Variants in MTSS2 observed in about 807,000 individuals in gnomAD.
MTSS2 encodes MTSS I-BAR domain containing 2.
A neutral mutation model predicts 67.1 loss-of-function variants in MTSS2; 27 were observed. The observed-to-expected ratio is 0.40, with a 90% confidence interval of 0.30 to 0.55. The LOEUF is 0.55. Among genes scored for constraint, MTSS2 ranks in the 20% least tolerant of loss-of-function variants. MTSS2 has a pLI of 0.43. For missense variants in MTSS2, 1,171 were observed against 1,067.8 expected (o/e 1.10, Z -1.35); for synonymous variants, 624 against 468.6 (o/e 1.33, Z -4.28).
At position 70,679,978 on chromosome 16, in the gene MTSS2, ACTGCCGCAGCTTGGTCTCGATG is replaced by A. The variant is rs1312565550; in HGVS notation, c.261_282del (p.Ile88SerfsTer50). The A allele has an allele frequency of 6.6e-7, 1 of 1,511,356 alleles. No homozygotes were observed. The highest frequency in any genetic ancestry group is 2.1e-5 in the Admixed American group (1 of 46,930). 93.6% of individuals were successfully genotyped at this position (1,511,356 alleles called of 1,614,324 possible). On this transcript the variant is annotated frameshift_variant, in exon 4 of 15. Coordinates refer to ENST00000338779, the MANE Select transcript of MTSS2 (RefSeq NM_138383.3). LOFTEE classifies it high-confidence loss of function. ...CCCGCAGCGCCCACTCACTTGGTGA[ACTGCCGCAGCTTGGTCTCGATG>A]CTGCGGTGGCGCATGCACATGCGTG...
intron 2 of MTSS2, 46 bp downstream of exon 2, chr16:70,680,918 G>GGGGGGGGGGGGGGGGGGGGGGGGCGCCC: frequency 9.1e-7 from 1 of 1,097,934 alleles, no homozygotes; most frequent in Non-Finnish European, 1.3e-6. Context: ...CGGGGGGGGG[G>GGGGGGGGGGGGGGGGGGGGGGGGCGCCC]CCTCTGCCTG....
At chr16:70,678,515 G>A in intron 7 of MTSS2, 106 bp from the exon 8 acceptor site, 1 of 1,376,824 alleles carries the variant, frequency 7.3e-7, no homozygotes, top group Non-Finnish European at 9.7e-7. Flanking sequence ...CGTTGGGCTG[G>A]GTGTTGCCCT....
Position 70,663,848 on chromosome 16 carries a change from G to A in MTSS2, c.2073C>T (p.Gly691=), listed in dbSNP as rs775594386. 2.4e-5 allele frequency: 37 copies of A among 1,541,248 alleles called. No individual in the cohort carries two copies. In the African/African-American group the frequency reaches 3.7e-4, roughly 15 times the overall value. Residue 691 remains glycine (G), a synonymous_variant, in exon 15 of 15, where the codon GGC becomes GGT. Transcript: ENST00000338779. The part of the protein sequence containing the change: ...LVAGAHALGE[G]QFPFPTALSA... ...ACAGAGCAGTGGGGAAGGGGAACTG[G>A]CCCTCACCCAGTGCGTGGGCACCCG...
intron 11 of MTSS2, chr16:70,665,811 A>G: frequency 3.0e-6 from 1 of 332,988 alleles, no homozygotes. Context: ...CTCACTGCTG[A>G]CGGCCTGGAT....
At chr16:70,669,300 T>C (rs2052837481) in intron 11 of MTSS2, among the ~76,000 whole-genome samples, 1 of 152,196 alleles carries the variant, frequency 6.6e-6, no homozygotes, top group South Asian at 2.1e-4. Flanking sequence ...TATAAATTGG[T>C]AAGAAGAAGA....
At chr16:70,665,579 G>C (rs915317808) in intron 11 of MTSS2, 39 bp from the exon 12 acceptor site, 23 of 1,519,084 alleles carry the variant, frequency 1.5e-5, no homozygotes, top group Non-Finnish European at 2.0e-5. Flanking sequence ...CAGACAGAGG[G>C]GCCGGCAGGC....
intron 3 of MTSS2, 88 bp from the exon 4 acceptor site, chr16:70,680,143 A>G: frequency 1.1e-6 from 1 of 943,498 alleles, no homozygotes; most frequent in South Asian, 4.2e-5. Flanking sequence ...CCGGCCGCGC[A>G]GGCGGAGCCC....
intron 11 of MTSS2, among the ~76,000 whole-genome samples, chr16:70,673,217 AATGAAAGAC>A (rs1221531945): frequency 6.5e-4 from 99 of 152,274 alleles, no homozygotes; most frequent in Non-Finnish European, 8.4e-4. Context: ...TCCAAGGACA[AATGAAAGAC>A]ATGAATACCA....
At position 70,679,765 on chromosome 16, in the gene MTSS2, C is replaced by T; in HGVS notation, c.382+21G>A. Reference sequence around the variant, plus strand: ...CCCTGCGGAGTGGGGGGTGGGAAGCCCGGCTCCGCGCCACCCTCACCTTTC... The same window carrying T: ...CCCTGCGGAGTGGGGGGTGGGAAGCTCGGCTCCGCGCCACCCTCACCTTTC... On this transcript the variant is annotated intron_variant, in intron 5 of 14. Coordinates refer to ENST00000338779, the MANE Select transcript of MTSS2 (RefSeq NM_138383.3). 1.9e-6 allele frequency: 3 copies of T among 1,610,494 alleles called. No individual in the cohort carries two copies. The South Asian group carries it at 3.3e-5, about 18-fold the overall frequency.
chr16:70,664,193 G>C lies in MTSS2; in HGVS notation c.1728C>G (p.Arg576=), dbSNP rs149779573. 1.2e-5 allele frequency: 19 copies of C among 1,597,616 alleles called. No individual in the cohort carries two copies. Among genetic ancestry groups the C allele is most frequent in the Non-Finnish European group, 1.6e-5 (19 of 1,176,112 alleles). ...RTPSTKPTVR[R]ALSSAGPIPI... ...GGATGGGGCCAGCGCTGGACAGGGCGCGGCGCACGGTGGGCTTGGTGGAGG... is the reference window on the plus strand; with the variant it reads ...GGATGGGGCCAGCGCTGGACAGGGCCCGGCGCACGGTGGGCTTGGTGGAGG... The change falls in exon 15 of 15, where the codon CGC becomes CGG. Residue 576 remains arginine (R), a synonymous_variant. Transcript: ENST00000338779.
Position 70,679,749 on chromosome 16 carries a change from G to A in MTSS2, c.382+37C>T, listed in dbSNP as rs375501707. 5.0e-6 allele frequency: 8 copies of A among 1,610,142 alleles called. No homozygotes were observed. In the African/African-American group the frequency reaches 5.3e-5, roughly 11 times the overall value. On this transcript the variant is annotated intron_variant, in intron 5 of 14. Transcript: ENST00000338779. ...AGCGCTCTAATGGGGTCCCTGCGGA[G>A]TGGGGGGTGGGAAGCCCGGCTCCGC...
intron 10 of MTSS2, among the ~76,000 whole-genome samples, chr16:70,675,039 G>C (rs958467354): frequency 6.6e-6 from 1 of 152,142 alleles, no homozygotes; most frequent in Admixed American, 6.5e-5. Flanking sequence ...CTTGAACCTG[G>C]GAGGCGGAGG....
Position 70,664,350 on chromosome 16 carries a change from G to C in MTSS2, c.1571C>G (p.Ala524Gly). The change falls in exon 15 of 15, where the codon GCC becomes GGC. Residue 524 changes from alanine (A) to glycine (G), a missense_variant. This residue lies in a region of MTSS2 where 924 missense variants were observed against 756.0 expected (regional missense o/e 1.22). Transcript: ENST00000338779. ...SSTIPRNSNI[A>G]QNYRRLIQTK... is the part of the protein sequence containing the mutation. ...CTGGATCAGGCGGCGGTAGTTCTGG[G>C]CGATGTTGCTGTTGCGCGGGATGGT... 1 of 1,597,538 alleles carries C rather than the reference G, an allele frequency of 6.3e-7. No homozygotes were observed.
chr16:70,678,203 C>T (rs2053182053), intron 8 of MTSS2, 49 bp downstream of exon 8: 1 of 1,557,440 alleles, frequency 6.4e-7, no homozygotes, highest in African/African-American at 1.4e-5. Flanking sequence ...AGAAGGTCAA[C>T]CCTGGGCCCA....
intron 1 of MTSS2, among the ~76,000 whole-genome samples, chr16:70,685,339 C>T (rs561763611): frequency 2.6e-5 from 4 of 152,212 alleles, no homozygotes; most frequent in South Asian, 4.1e-4. Flanking sequence ...GCTCCGGGGC[C>T]GTGGGGGAAC....
In MTSS2 at chr16:70,661,677, AGAGT is replaced by A; in HGVS notation, c.*1996_*1999del. 3.1e-6 allele frequency: 1 copy of A among 323,548 alleles called. No individual in the cohort carries two copies. The highest frequency in any genetic ancestry group is 6.0e-6 in the Non-Finnish European group (1 of 167,174). 20.0% of individuals were successfully genotyped at this position (323,548 alleles called of 1,614,324 possible). A position where few individuals can be genotyped will look rare whatever the true frequency, so the allele number is the denominator to read the frequency against. On this transcript the variant is annotated 3_prime_UTR_variant, in exon 15 of 15. Transcript: ENST00000338779. Reference sequence around the variant, plus strand: ...TCAGGGATGGACAAGGGGATGGAGTAGAGTATGTACAGCCCCCGGGGCTCACAGG... The same window carrying A: ...TCAGGGATGGACAAGGGGATGGAGTAATGTACAGCCCCCGGGGCTCACAGG...
chr16:70,679,997 G>C lies in MTSS2; in HGVS notation c.264C>G (p.Ile88Met), dbSNP rs779340693. Residue 88 changes from isoleucine (I) to methionine (M), a missense_variant, in exon 4 of 15, where the codon ATC becomes ATG. Transcript: ENST00000338779. ...LTRMCMRHRS[I>M]ETKLRQFTNA... ...TGGTGAACTGCCGCAGCTTGGTCTC[G>C]ATGCTGCGGTGGCGCATGCACATGC... The C allele has an allele frequency of 2.0e-6, 3 of 1,535,680 alleles. No homozygotes were observed. The highest frequency in any genetic ancestry group is 2.6e-6 in the Non-Finnish European group (3 of 1,149,710).
At chr16:70,678,219 C>T in intron 8 of MTSS2, 33 bp downstream of exon 8, 4 of 1,576,824 alleles carry the variant, frequency 2.5e-6, no homozygotes, top group Non-Finnish European at 3.4e-6. Context: ...GCCCAGCCCA[C>T]CCCTCTGGGG....
At chr16:70,675,064 G>A (rs1296408412) in intron 10 of MTSS2, among the ~76,000 whole-genome samples, 1 of 151,548 alleles carries the variant, frequency 6.6e-6, no homozygotes, top group Non-Finnish European at 1.5e-5. Flanking sequence ...AGTGAGCCAA[G>A]ATTATGCCAC....
Sources: allele counts gnomAD v4.1 joint callset (sites outside exome capture counted in the v4.1 genomes callset), GRCh38; gene constraint gnomAD v4.1.1; regional missense constraint gnomAD v4.1.1; transcripts MANE v1.5; gene names NCBI Gene and HGNC (gene_info 2026-07-23, HGNC 2026-07-21).